The following MAP3K7CL variants were observed in gnomAD, a reference collection of about 807,000 sequenced individuals.
The protein encoded by MAP3K7CL is MAP3K7 C-terminal-like protein.
In MAP3K7CL, 16 loss-of-function variants were observed where a neutral mutation model predicts 18.6. The observed-to-expected ratio is 0.86, with a 90% confidence interval of 0.58 to 1.31. The LOEUF is 1.31. MAP3K7CL is among the 50% of genes most tolerant of loss of function. MAP3K7CL has a pLI of 0.00. For synonymous variants in MAP3K7CL, 65 were observed against 66.8 expected (o/e 0.97, Z 0.13); for missense variants, 163 against 174.4 (o/e 0.93, Z 0.37).
upstream of MAP3K7CL, among the ~76,000 whole-genome samples, chr21:29,084,063 C>T (rs570459764): frequency 5.4e-5 from 8 of 147,178 alleles, no homozygotes; most frequent in South Asian, 1.7e-3. Flanking sequence ...TGTATATATA[C>T]ATGTATAATA....
chr21:29,092,724 G>C, intron 4 of MAP3K7CL: 1 of 833,060 alleles, frequency 1.2e-6, no homozygotes, highest in South Asian at 1.8e-5. Context: ...ACGACGTGCT[G>C]GGTGTTCTTC....
chr21:29,166,853 G>A (rs1256824078), intron 4 of MAP3K7CL, among the ~76,000 whole-genome samples: 2 of 152,128 alleles, frequency 1.3e-5, no homozygotes, highest in East Asian at 1.9e-4. Context: ...TGTGAATAAC[G>A]CTGCTATAAA....
chr21:29,097,498 C>T (rs1045910867), intron 4 of MAP3K7CL, among the ~76,000 whole-genome samples: 2 of 152,202 alleles, frequency 1.3e-5, no homozygotes, highest in Middle Eastern at 3.4e-3. Context: ...ATTCCCCTTA[C>T]GTCAACCTTG....
chr21:29,143,714 C>T (rs759455081), intron 2 of MAP3K7CL, among the ~76,000 whole-genome samples: 6 of 152,082 alleles, frequency 3.9e-5, no homozygotes, highest in African/African-American at 9.7e-5. Flanking sequence ...TGAGCTACCC[C>T]GCGTGGCCCA....
At chr21:29,098,253 C>T (rs1207933683) in intron 4 of MAP3K7CL, among the ~76,000 whole-genome samples, 1 of 152,178 alleles carries the variant, frequency 6.6e-6, no homozygotes, top group Non-Finnish European at 1.5e-5. Context: ...GGATTTTTCT[C>T]TCCGTGTGCT....
chr21:29,106,054 G>A (rs1397119345), intron 4 of MAP3K7CL, among the ~76,000 whole-genome samples: 4 of 152,070 alleles, frequency 2.6e-5, no homozygotes, highest in Non-Finnish European at 4.4e-5. Flanking sequence ...TAATCCCTAG[G>A]CTCTAAGATC....
Position 29,106,226 on chromosome 21 carries a change from G to A in MAP3K7CL, c.370+13645G>A, listed in dbSNP as rs181381503. ...TTTTGAGATGGAGTATTGCTCTGTC[G>A]CCCAGGCTGGAGTACAGCGGCATGA... On this transcript the variant is annotated intron_variant, in intron 4 of 6. Coordinates refer to the MAP3K7CL transcript ENST00000286791. 1.6e-4 allele frequency among the ~76,000 whole-genome samples: 25 copies of A among 152,008 alleles called. No homozygotes were observed. In the East Asian group the frequency reaches 2.5e-3, roughly 15 times the overall value.
intron 2 of MAP3K7CL, among the ~76,000 whole-genome samples, chr21:29,143,209 G>A (rs1189997055): frequency 2.0e-5 from 3 of 151,332 alleles, no homozygotes; most frequent in Admixed American, 6.6e-5. Context: ...TAAATTAAGC[G>A]TGGGGCCCGT....
intron 1 of MAP3K7CL, chr21:29,131,555 T>C (rs1249152987): frequency 1.3e-5 from 2 of 152,160 alleles, no homozygotes; most frequent in African/African-American, 2.4e-5. Flanking sequence ...ATAACAGATA[T>C]TTTATATTAC....
chr21:29,135,974 G>C (rs188374087), intron 2 of MAP3K7CL, among the ~76,000 whole-genome samples: 28 of 152,304 alleles, frequency 1.8e-4, no homozygotes, highest in African/African-American at 6.7e-4. Flanking sequence ...CTGAGGTTCA[G>C]TGTTTCTCAA....
At chr21:29,092,135 G>T in intron 3 of MAP3K7CL, 1 of 380,788 alleles carries the variant, frequency 2.6e-6, no homozygotes, top group Non-Finnish European at 4.7e-6. Context: ...TTCTAGAAGT[G>T]GTAGAAATCC....
At chr21:29,129,301 A>G (rs777119207), upstream of MAP3K7CL, among the ~76,000 whole-genome samples, 3 of 152,180 alleles carry the variant, frequency 2.0e-5, no homozygotes, top group African/African-American at 7.2e-5. Flanking sequence ...GAATAGTTTC[A>G]CTGCCCTAAA....
intron 4 of MAP3K7CL, among the ~76,000 whole-genome samples, chr21:29,115,416 C>T (rs922849936): frequency 6.6e-6 from 1 of 151,974 alleles, no homozygotes; most frequent in Non-Finnish European, 1.5e-5. Context: ...AATCAACATT[C>T]TTTTTAGTAG....
At chr21:29,104,265 G>A (rs8134407) in intron 4 of MAP3K7CL, among the ~76,000 whole-genome samples, 77,703 of 151,622 alleles carry the variant, frequency 0.51, 20,071 homozygotes, top group South Asian at 0.59. Flanking sequence ...TTTTTTTCTC[G>A]GGGTTTTTTC....
At chr21:29,119,662 C>T (rs924916846) in intron 4 of MAP3K7CL, among the ~76,000 whole-genome samples, 24 of 135,126 alleles carry the variant, frequency 1.8e-4, no homozygotes, top group East Asian at 8.7e-4. Flanking sequence ...AATCCTAAAA[C>T]TTTTTTTTTT....
At chr21:29,092,166 CTCTT>C (rs2086039825) in intron 3 of MAP3K7CL, 1 of 426,464 alleles carries the variant, frequency 2.3e-6, no homozygotes, top group Non-Finnish European at 4.2e-6. Context: ...ATAATCAGCT[CTCTT>C]TGTTTTTATA....
chr21:29,151,365 G>A (rs1323541995), intron 3 of MAP3K7CL, among the ~76,000 whole-genome samples: 6 of 151,994 alleles, frequency 3.9e-5, no homozygotes, highest in Non-Finnish European at 7.4e-5. Context: ...GCTGAGGCAG[G>A]AGAATCGCTT....
intron 2 of MAP3K7CL, among the ~76,000 whole-genome samples, chr21:29,145,994 G>T (rs1429939272): frequency 6.6e-6 from 1 of 152,050 alleles, no homozygotes; most frequent in East Asian, 1.9e-4. Context: ...TCCACAACGG[G>T]CCTCATTAAG....
chr21:29,166,122 C>T (rs2087680682), intron 4 of MAP3K7CL, among the ~76,000 whole-genome samples: 1 of 152,178 alleles, frequency 6.6e-6, no homozygotes, highest in African/African-American at 2.4e-5. Context: ...CTAACTGTAA[C>T]TATGTACTCA....
Sources: gnomAD v4.1 joint callset for allele counts (sites outside exome capture counted in the v4.1 genomes callset) on GRCh38, gnomAD v4.1.1 for gene constraint, MANE v1.5 for transcripts, NCBI Gene and HGNC (gene_info 2026-07-23, HGNC 2026-07-21) for gene names.